PPDPFL: variants seen among roughly 807,000 people sequenced by gnomAD.
PPDPFL encodes pancreatic progenitor cell differentiation and proliferation factor-like protein.
In PPDPFL, 12 loss-of-function variants were observed where a neutral mutation model predicts 12.6. The ratio of observed to expected loss-of-function variants is 0.95; its 90% CI spans 0.61 to 1.54. The LOEUF is 1.54. Ranked by LOEUF, PPDPFL falls within the 40% of genes most tolerant of loss-of-function variation. The pLI is 0.00. For missense variants in PPDPFL, 114 were observed against 96.0 expected (o/e 1.19, Z -0.78); for synonymous variants, 24 against 32.7 (o/e 0.73, Z 0.91).
chr8:49,074,995 A>G (rs1808467222), intron 4 of PPDPFL, 157 bp from the exon 5 acceptor site: 2 of 1,382,478 alleles, frequency 1.4e-6, no homozygotes, highest in Admixed American at 2.5e-5. Context: ...ATTTAAAATT[A>G]GAATCATTAT....
chr8:49,072,675 C>T, intron 1 of PPDPFL, 112 bp from the exon 2 acceptor site: 8 of 514,440 alleles, frequency 1.6e-5, no homozygotes, highest in South Asian at 8.9e-5. Flanking sequence ...TTCCTTTTAT[C>T]ATATATTTAT....
intron 1 of PPDPFL, among the ~76,000 whole-genome samples, chr8:49,066,423 C>G (rs897547075): frequency 6.6e-5 from 10 of 152,142 alleles, no homozygotes; most frequent in African/African-American, 2.4e-4. Context: ...TGCTTCTCTG[C>G]TTAAATGTAC....
At chr8:49,058,610 A>G (rs570034513) in intron 1 of PPDPFL, among the ~76,000 whole-genome samples, 1 of 152,362 alleles carries the variant, frequency 6.6e-6, no homozygotes, top group East Asian at 1.9e-4. Flanking sequence ...TTTTGTTTAG[A>G]CCAATATTTT....
chr8:49,067,848 G>C (rs1002400885), upstream of PPDPFL, among the ~76,000 whole-genome samples: 5 of 152,074 alleles, frequency 3.3e-5, no homozygotes, highest in South Asian at 6.2e-4. Flanking sequence ...CTGGTTTTCA[G>C]CATGTCATTG....
intron 1 of PPDPFL, among the ~76,000 whole-genome samples, chr8:49,066,766 T>C (rs534336565): frequency 9.8e-5 from 15 of 152,324 alleles, no homozygotes; most frequent in African/African-American, 2.9e-4. Flanking sequence ...GGATTTAGGA[T>C]GCTACTTTTT....
intron 1 of PPDPFL, among the ~76,000 whole-genome samples, chr8:49,062,551 T>A (rs1808227227): frequency 6.6e-6 from 1 of 152,056 alleles, no homozygotes; most frequent in East Asian, 1.9e-4. Context: ...CAGTGAGGCT[T>A]ATTTTCTGTT....
chr8:49,069,883 C>T (rs1032270117), upstream of PPDPFL, among the ~76,000 whole-genome samples: 4 of 152,102 alleles, frequency 2.6e-5, no homozygotes, highest in Admixed American at 6.6e-5. Flanking sequence ...TGCAGTGAGC[C>T]GAGATCGCCC....
rs1191647535 is a variant in PPDPFL at position 49,075,047 on chromosome 8, A to C, written c.234-105A>C. ...AGCCAATGCAAGATTGATTGTTGGAAAGATGTTTTCTTGACACTCTTTATC... is the reference window on the plus strand; with the variant it reads ...AGCCAATGCAAGATTGATTGTTGGACAGATGTTTTCTTGACACTCTTTATC... On this transcript the variant is annotated intron_variant, in intron 4 of 4. Transcript: ENST00000522267. 2.0e-6 allele frequency: 3 copies of C among 1,498,126 alleles called. No individual in the cohort carries two copies. The African/African-American group carries it at 4.1e-5, about 21-fold the overall frequency. The allele number at this position is 1,498,126 out of a possible 1,614,324, so 92.8% of individuals were successfully genotyped here.
At chr8:49,069,177 C>T (rs1379455517), upstream of PPDPFL, among the ~76,000 whole-genome samples, 1 of 151,984 alleles carries the variant, frequency 6.6e-6, no homozygotes. Context: ...TATTGCGTGC[C>T]CCATCCCAAA....
At chr8:49,067,121 A>T (rs565258503) in intron 1 of PPDPFL, among the ~76,000 whole-genome samples, 6 of 152,366 alleles carry the variant, frequency 3.9e-5, no homozygotes, top group African/African-American at 1.4e-4. Flanking sequence ...TAAACAAACA[A>T]TTGAATTATA....
intron 1 of PPDPFL, among the ~76,000 whole-genome samples, chr8:49,054,600 A>T (rs1221244907): frequency 1.3e-5 from 2 of 152,012 alleles, no homozygotes; most frequent in Non-Finnish European, 2.9e-5. Context: ...GATATTTCAC[A>T]TTGTTAACCT....
At chr8:49,056,864 A>T (rs1213364676) in intron 1 of PPDPFL, among the ~76,000 whole-genome samples, 1 of 152,206 alleles carries the variant, frequency 6.6e-6, no homozygotes, top group Non-Finnish European at 1.5e-5. Context: ...TAAAAATTGC[A>T]GTAGGGTGTG....
At chr8:49,062,704 C>A (rs1808232075) in intron 1 of PPDPFL, among the ~76,000 whole-genome samples, 3 of 152,166 alleles carry the variant, frequency 2.0e-5, no homozygotes, top group African/African-American at 7.2e-5. Flanking sequence ...GTCAGAATAG[C>A]AGCACAGGAT....
intron 1 of PPDPFL, among the ~76,000 whole-genome samples, chr8:49,062,318 G>A (rs932316658): frequency 8.5e-5 from 13 of 152,136 alleles, no homozygotes; most frequent in Admixed American, 2.6e-4. Context: ...TATGTTGTGA[G>A]GATAATTCTT....
chr8:49,055,945 G>C (rs973967015), intron 1 of PPDPFL, among the ~76,000 whole-genome samples: 1 of 152,050 alleles, frequency 6.6e-6, no homozygotes, highest in South Asian at 2.1e-4. Context: ...TCAATCTTTT[G>C]TTATCGCTCT....
In PPDPFL at chr8:49,056,176, C is replaced by T. The variant is rs554183432; in HGVS notation, c.-45+1807C>T. Reference sequence around the variant, plus strand: ...TAGGAGTTGTTCTCTACTGACTTCTCTGAGTACATTTTCTATCAGCCTCCT... The same window carrying T: ...TAGGAGTTGTTCTCTACTGACTTCTTTGAGTACATTTTCTATCAGCCTCCT... On this transcript the variant is annotated intron_variant, in intron 1 of 4. Coordinates refer to the PPDPFL transcript ENST00000517663. Among the ~76,000 whole-genome samples, 14 of 152,294 alleles carry T rather than the reference C, an allele frequency of 9.2e-5. No individual in the cohort carries two copies. In the South Asian group the frequency reaches 2.9e-3, roughly 32 times the overall value.
At chr8:49,054,489 G>A (rs1808082413) in intron 1 of PPDPFL, 1 of 152,106 alleles carries the variant, frequency 6.6e-6, no homozygotes. Context: ...TTAATTGATT[G>A]TTTATGTTAT....
At chr8:49,071,405 C>G (rs970267944), upstream of PPDPFL, among the ~76,000 whole-genome samples, 5 of 152,122 alleles carry the variant, frequency 3.3e-5, no homozygotes, top group African/African-American at 1.2e-4. Flanking sequence ...CGCCTGTAAT[C>G]CCAGCACTTT....
Position 49,075,274 on chromosome 8 carries a change from C to T in PPDPFL, c.*101C>T. 1 of 1,613,534 alleles carries T rather than the reference C, an allele frequency of 6.2e-7. No homozygotes were observed. Among genetic ancestry groups the T allele is most frequent in the South Asian group, 1.1e-5 (1 of 91,090 alleles). ...TCTGACAATCAAGATCCTCTGCCTG[C>T]TGCAGTGGTCCATACATGAACAGCT... On this transcript the variant is annotated 3_prime_UTR_variant, in exon 5 of 5. Transcript: ENST00000522267.
Sources: gnomAD v4.1 joint callset for allele counts (sites outside exome capture counted in the v4.1 genomes callset) on GRCh38, gnomAD v4.1.1 for gene constraint, MANE v1.5 for transcripts, NCBI Gene and HGNC (gene_info 2026-07-23, HGNC 2026-07-21) for gene names.